The following PSTPIP1 variants were observed in gnomAD, a reference collection of about 807,000 sequenced individuals.
The protein encoded by PSTPIP1 is proline-serine-threonine phosphatase interacting protein 1.
Under a neutral mutation model 69.6 loss-of-function variants are expected in PSTPIP1, and 66 were observed. That is an observed-to-expected ratio of 0.95 (90% confidence interval 0.78 to 1.16). The LOEUF is 1.16. Among genes scored for constraint, PSTPIP1 ranks in the 50% most tolerant of loss-of-function variants. PSTPIP1 has a pLI of 0.00. For synonymous variants in PSTPIP1, 266 were observed against 222.7 expected, an observed-to-expected ratio of 1.19 and a Z score of -1.73; for missense variants, 603 against 557.4, an observed-to-expected ratio of 1.08 and a Z score of -0.82.
chr15:77,009,376 G>C (rs1452982250), intron 1 of PSTPIP1, among the ~76,000 whole-genome samples: 3 of 152,164 alleles, frequency 2.0e-5, no homozygotes, highest in African/African-American at 7.2e-5. Context: ...AAGCCCAGGG[G>C]AGCCTGCCAG....
rs1412474544 is a variant in PSTPIP1, at chr15:77,036,275, G to A, written c.1119+340G>A. Among the ~76,000 whole-genome samples the A allele has an allele frequency of 2.0e-5, 3 of 152,194 alleles. 1 individual carries two copies. The South Asian group carries it at 6.2e-4, about 32-fold the overall frequency. On this transcript the variant is annotated intron_variant, in intron 14 of 14. Coordinates refer to ENST00000558012, the MANE Select transcript of PSTPIP1 (RefSeq NM_003978.5). ...GTACCTATGCCGTCCACACAGGCTG[G>A]GCGCTGAGTGGTGCACACGTGCGGG...
chr15:77,010,818 G>C (rs535869161), intron 1 of PSTPIP1, among the ~76,000 whole-genome samples: 1 of 152,020 alleles, frequency 6.6e-6, no homozygotes, highest in African/African-American at 2.4e-5. Context: ...AGCTAATTTT[G>C]TATTTTTAGT....
intron 1 of PSTPIP1, among the ~76,000 whole-genome samples, chr15:77,012,136 TCC>T (rs1568492382): frequency 1.7e-5 from 2 of 119,844 alleles, no homozygotes; most frequent in South Asian, 3.2e-4. Context: ...CATCCATCCA[TCC>T]ATCCATCCAT....
chr15:77,004,825 C>A (rs1178985168), intron 1 of PSTPIP1, among the ~76,000 whole-genome samples: 3 of 152,054 alleles, frequency 2.0e-5, no homozygotes, highest in Admixed American at 2.0e-4. Flanking sequence ...CGCACCACTG[C>A]ACTCCAGCCT....
chr15:77,021,469 A>G (rs895259371), intron 3 of PSTPIP1, among the ~76,000 whole-genome samples: 3 of 152,176 alleles, frequency 2.0e-5, no homozygotes, highest in African/African-American at 4.8e-5. Context: ...ACCTGAGGTC[A>G]GGAGTTCGAG....
intron 9 of PSTPIP1, 53 bp from the exon 10 acceptor site, chr15:77,031,127 G>T: frequency 6.5e-7 from 1 of 1,538,490 alleles, no homozygotes. Context: ...GCCCAGCCTG[G>T]CCGGGCCCTG....
At chr15:77,010,512 G>C (rs1465990957) in intron 1 of PSTPIP1, among the ~76,000 whole-genome samples, 1 of 152,162 alleles carries the variant, frequency 6.6e-6, no homozygotes, top group South Asian at 2.1e-4. Flanking sequence ...ACCTGTCTCT[G>C]CTGCCTTGAA....
In PSTPIP1 at chr15:77,037,245, A is replaced by G. The variant is rs1432712120; in HGVS notation, c.*69A>G. 3 of 1,535,100 alleles carry G rather than the reference A, an allele frequency of 2.0e-6. No homozygotes were observed. Among genetic ancestry groups the G allele is most frequent in the African/African-American group, 1.4e-5 (1 of 72,710 alleles). ...CAGCAGTGCCCCCAGCACTGTCCCCACCTTGCTAGGGCCCAGAACCAAGCG... is the reference window on the plus strand; with the variant it reads ...CAGCAGTGCCCCCAGCACTGTCCCCGCCTTGCTAGGGCCCAGAACCAAGCG... On this transcript the variant is annotated 3_prime_UTR_variant, in exon 15 of 15. Coordinates refer to ENST00000558012, the MANE Select transcript of PSTPIP1 (RefSeq NM_003978.5).
intron 3 of PSTPIP1, 86 bp downstream of exon 3, chr15:77,018,617 T>G (rs2076100006): frequency 1.5e-6 from 2 of 1,347,702 alleles, no homozygotes; most frequent in Non-Finnish European, 2.0e-6. Context: ...CTTCCTGGCA[T>G]GGGGGAGGCT....
chr15:77,025,746 C>A, intron 5 of PSTPIP1, 142 bp downstream of exon 5: 1 of 749,202 alleles, frequency 1.3e-6, no homozygotes, highest in Non-Finnish European at 2.1e-6. Context: ...GGCTTTGGGG[C>A]TTGAGGGTGA....
At chr15:77,028,212 G>C in intron 6 of PSTPIP1, 2 of 518,812 alleles carry the variant, frequency 3.9e-6, no homozygotes, top group East Asian at 3.3e-5. Flanking sequence ...TTGATCCTGC[G>C]AGACGCTGGA....
intron 12 of PSTPIP1, among the ~76,000 whole-genome samples, chr15:77,033,533 TAGGG>T (rs2076473251): frequency 6.6e-6 from 1 of 152,158 alleles, no homozygotes; most frequent in Non-Finnish European, 1.5e-5. Context: ...ATAGCCAGCT[TAGGG>T]AGCCCTCGTA....
chr15:77,034,339 C>G (rs1160157549), intron 12 of PSTPIP1, among the ~76,000 whole-genome samples: 2 of 152,150 alleles, frequency 1.3e-5, no homozygotes, highest in Admixed American at 1.3e-4. Context: ...TGTGTCTGCC[C>G]GCCTGTGTTG....
intron 1 of PSTPIP1, among the ~76,000 whole-genome samples, chr15:77,002,564 C>T (rs906667311): frequency 2.0e-5 from 3 of 152,178 alleles, no homozygotes; most frequent in Non-Finnish European, 4.4e-5. Flanking sequence ...TTTTGTGGTA[C>T]GTGGGCCTCT....
chr15:77,031,947 G>T (rs140508674), intron 10 of PSTPIP1, among the ~76,000 whole-genome samples: 1 of 152,166 alleles, frequency 6.6e-6, no homozygotes, highest in Admixed American at 6.5e-5. Context: ...AGGTAGAAGG[G>T]CGAGCTCTGG....
At chr15:77,001,492 G>A (rs921507275) in intron 1 of PSTPIP1, among the ~76,000 whole-genome samples, 3 of 152,248 alleles carry the variant, frequency 2.0e-5, no homozygotes, top group Non-Finnish European at 4.4e-5. Flanking sequence ...CTGTGGCTTT[G>A]AGGGCCAAGG....
chr15:77,021,891 T>G (rs2076168537), intron 3 of PSTPIP1, among the ~76,000 whole-genome samples: 1 of 151,698 alleles, frequency 6.6e-6, no homozygotes, highest in Non-Finnish European at 1.5e-5. Flanking sequence ...TCCACTCCCC[T>G]ATTGCTCATC....
At chr15:76,999,719 T>C (rs2075657031) in intron 1 of PSTPIP1, 1 of 152,232 alleles carries the variant, frequency 6.6e-6, no homozygotes, top group African/African-American at 2.4e-5. Context: ...AAGGAAGCCA[T>C]AGTTCAGTGC....
intron 1 of PSTPIP1, among the ~76,000 whole-genome samples, chr15:77,003,526 C>G (rs1410324125): frequency 6.6e-6 from 1 of 152,040 alleles, no homozygotes; most frequent in Non-Finnish European, 1.5e-5. Flanking sequence ...CATGGTGGCG[C>G]ATGCCTGTAA....
Sources: allele counts gnomAD v4.1 joint callset (sites outside exome capture counted in the v4.1 genomes callset), GRCh38; gene constraint gnomAD v4.1.1; transcripts MANE v1.5; gene names NCBI Gene and HGNC (gene_info 2026-07-23, HGNC 2026-07-21).